The following PIEZO2 variants were observed in gnomAD, a reference collection of about 807,000 sequenced individuals.
PIEZO2 encodes piezo-type mechanosensitive ion channel component 2.
In PIEZO2, 172 loss-of-function variants were observed where a neutral mutation model predicts 337.3. That is an observed-to-expected ratio of 0.51 (90% confidence interval 0.45 to 0.58). PIEZO2 has a LOEUF of 0.58. PIEZO2 is among the 20% of genes least tolerant of loss of function. The probability of loss-of-function intolerance (pLI) is 0.00; values close to 1 mark genes in which losing one functional copy is unlikely to be tolerated. For missense variants in PIEZO2, 3,028 were observed against 3,391.3 expected (o/e 0.89, Z 2.66); for synonymous variants, 1,251 against 1,228.5 (o/e 1.02, Z -0.38).
chr18:11,142,278 T>A (rs2040674485), intron 1 of PIEZO2, among the ~76,000 whole-genome samples: 1 of 152,156 alleles, frequency 6.6e-6, no homozygotes, highest in East Asian at 1.9e-4. Flanking sequence ...TTAAAAATAA[T>A]TTAGCTAAAT....
intron 33 of PIEZO2, chr18:10,738,418 T>C (rs2037092785): frequency 6.6e-6 from 1 of 152,216 alleles, no homozygotes; most frequent in Non-Finnish European, 1.5e-5. Context: ...AGTGGTAACA[T>C]TGATTTTACC....
At position 11,077,364 on chromosome 18, in the gene PIEZO2, T is replaced by C. The variant is rs1325578074; in HGVS notation, c.65-11142A>G. Among the ~76,000 whole-genome samples, 3 of 152,228 alleles carry C rather than the reference T, an allele frequency of 2.0e-5. No individual in the cohort carries two copies. The highest frequency in any genetic ancestry group is 4.4e-5 in the Non-Finnish European group (3 of 68,040). ...CTTTGGTTTGTGTCATGGTATTTGC[T>C]GATTTAGAAATCACTAATCAGGCCA... is the stretch of plus-strand genomic sequence containing the variant. On this transcript the variant is annotated intron_variant, in intron 1 of 55. Transcript: ENST00000674853. The surrounding 1 kb of genome is among the most constrained non-coding windows in gnomAD (Gnocchi z 4.8).
At chr18:10,998,077 C>T (rs916808588) in intron 2 of PIEZO2, among the ~76,000 whole-genome samples, 1 of 151,988 alleles carries the variant, frequency 6.6e-6, no homozygotes, top group Non-Finnish European at 1.5e-5. Flanking sequence ...TCATCACAAA[C>T]TATGAAGACT....
In PIEZO2 at chr18:10,870,487, A is replaced by G. The variant is rs2042113345; in HGVS notation, c.492+766T>C. 6.6e-6 allele frequency among the ~76,000 whole-genome samples: 1 copy of G among 152,202 alleles called. No homozygotes were observed. Among genetic ancestry groups the G allele is most frequent in the South Asian group, 2.1e-4 (1 of 4,832 alleles). On this transcript the variant is annotated intron_variant, in intron 5 of 55. Coordinates refer to ENST00000674853, the MANE Select transcript of PIEZO2 (RefSeq NM_001378183.1). The surrounding 1 kb of genome is among the most constrained non-coding windows in gnomAD (Gnocchi z 5.3). Reference sequence around the variant, plus strand: ...TTTCCTTTATAAATGTTATCTTTCCACTAATAAATCAATTACTCTTTAAAC... The same window carrying G: ...TTTCCTTTATAAATGTTATCTTTCCGCTAATAAATCAATTACTCTTTAAAC...
Position 10,953,828 on chromosome 18 carries a change from G to A in PIEZO2, c.286+25707C>T, listed in dbSNP as rs1415866625. ...CACTTGGGAACAGATGAACAAGCAG[G>A]GGCAGCAAGAGAGAGGCAGGCTTTG... On this transcript the variant is annotated intron_variant, in intron 3 of 55. Transcript: ENST00000674853. The surrounding 1 kb of genome is among the most constrained non-coding windows in gnomAD (Gnocchi z 5.2). 6.6e-6 allele frequency among the ~76,000 whole-genome samples: 1 copy of A among 152,060 alleles called. No homozygotes were observed. The highest frequency in any genetic ancestry group is 1.9e-4 in the East Asian group (1 of 5,184).
At chr18:10,711,348 C>T (rs540384637) in intron 39 of PIEZO2, among the ~76,000 whole-genome samples, 4 of 152,186 alleles carry the variant, frequency 2.6e-5, no homozygotes, top group African/African-American at 7.2e-5. Context: ...TCTGAGGCCA[C>T]TGATTCAGAG....
At position 11,034,000 on chromosome 18, in the gene PIEZO2, A is replaced by G. The variant is rs1226079268; in HGVS notation, c.160+32127T>C. ...AGGGGAAAAAAACCCTCAGATTTAA[A>G]AAAAAATTCGACAGTCTTTAAAAGT... On this transcript the variant is annotated intron_variant, in intron 2 of 55. Coordinates refer to ENST00000674853, the MANE Select transcript of PIEZO2 (RefSeq NM_001378183.1). The surrounding 1 kb of genome is among the most constrained non-coding windows in gnomAD (Gnocchi z 4.2). Among the ~76,000 whole-genome samples, 2 of 152,178 alleles carry G rather than the reference A, an allele frequency of 1.3e-5. No individual in the cohort carries two copies.
At chr18:10,757,447 TGGGG>T (rs2037919940) in intron 27 of PIEZO2, among the ~76,000 whole-genome samples, 1 of 25,470 alleles carries the variant, frequency 3.9e-5, no homozygotes, top group African/African-American at 4.2e-4. Flanking sequence ...GGAGGAAGGG[TGGGG>T]ATAAGAATGA....
chr18:10,692,607 A>C (rs1431423708), intron 47 of PIEZO2, among the ~76,000 whole-genome samples: 1 of 151,300 alleles, frequency 6.6e-6, no homozygotes, highest in Non-Finnish European at 1.5e-5. Context: ...CACCATTTGC[A>C]TTTGTTGAAA....
At chr18:10,725,325 G>A in intron 36 of PIEZO2, 2 of 1,599,612 alleles carry the variant, frequency 1.3e-6, no homozygotes, top group Non-Finnish European at 1.7e-6. Flanking sequence ...CTGCGTCGAA[G>A]AGGTTGTGGT....
chr18:11,121,386 C>A (rs1453702112), intron 1 of PIEZO2, among the ~76,000 whole-genome samples: 3 of 152,006 alleles, frequency 2.0e-5, no homozygotes, highest in African/African-American at 7.3e-5. Context: ...AGAACCCTGT[C>A]TCTACAAAAA....
chr18:10,812,466 T>C (rs1412676666), intron 7 of PIEZO2, among the ~76,000 whole-genome samples: 1 of 152,256 alleles, frequency 6.6e-6, no homozygotes, highest in Admixed American at 6.5e-5. Flanking sequence ...TCTGTATACC[T>C]GCAACACGCT....
intron 36 of PIEZO2, among the ~76,000 whole-genome samples, chr18:10,730,828 GC>G (rs560195783): frequency 2.8e-4 from 42 of 152,212 alleles, no homozygotes; most frequent in African/African-American, 9.9e-4. Flanking sequence ...CCGGGTTCAC[GC>G]CGTTCTCCTG....
intron 1 of PIEZO2, among the ~76,000 whole-genome samples, chr18:11,108,852 C>T (rs1343908467): frequency 1.3e-5 from 2 of 152,048 alleles, no homozygotes; most frequent in Non-Finnish European, 2.9e-5. Flanking sequence ...TCACACGGTC[C>T]CTCCAGCACA....
At chr18:10,763,737 A>G (rs775292895) in intron 21 of PIEZO2, among the ~76,000 whole-genome samples, 15 of 152,198 alleles carry the variant, frequency 9.9e-5, no homozygotes, top group Admixed American at 3.3e-4. Context: ...TTTGCTTCCT[A>G]TTGAGATAAA....
intron 2 of PIEZO2, among the ~76,000 whole-genome samples, chr18:10,983,626 C>T (rs541196250): frequency 1.3e-4 from 20 of 152,220 alleles, no homozygotes; most frequent in African/African-American, 4.6e-4. Flanking sequence ...TACTAATCAG[C>T]TCATAGACTC....
At chr18:10,687,313 C>T (rs923444909) in intron 49 of PIEZO2, among the ~76,000 whole-genome samples, 40 of 152,126 alleles carry the variant, frequency 2.6e-4, no homozygotes, top group African/African-American at 8.9e-4. Context: ...AGGCCCGCCC[C>T]AGTGTGTGTT....
intron 42 of PIEZO2, among the ~76,000 whole-genome samples, chr18:10,704,127 G>T (rs868850172): frequency 6.6e-6 from 1 of 152,196 alleles, no homozygotes; most frequent in Non-Finnish European, 1.5e-5. Flanking sequence ...CATTGATGCT[G>T]TGTCCTTATC....
At position 10,702,136 on chromosome 18, in the gene PIEZO2, C is replaced by T. The variant is rs182115460; in HGVS notation, c.6294G>A (p.Gly2098=). 2.0e-5 allele frequency: 30 copies of T among 1,536,470 alleles called. No homozygotes were observed. The highest frequency in any genetic ancestry group is 2.5e-5 in the Non-Finnish European group (29 of 1,146,764). The stretch of plus-strand genomic sequence containing the variant: ...CCACATTCTTATTCCAGGGAAAGAA[C>T]CCAAATTGGAAGAAATACTTGACTA... ...AIVVKYFFQF[G]FFPWNKNVEV... is the part of the protein sequence containing the mutation. Residue 2098 remains glycine, a synonymous_variant, in exon 43 of 56, where the codon GGG becomes GGA. Coordinates refer to ENST00000674853, the MANE Select transcript of PIEZO2 (RefSeq NM_001378183.1).
Sources: gnomAD v4.1 joint callset for allele counts (sites outside exome capture counted in the v4.1 genomes callset) on GRCh38, gnomAD v4.1.1 for gene constraint, Gnocchi (gnomAD v3.1) non-coding constraint, MANE v1.5 for transcripts, NCBI Gene and HGNC (gene_info 2026-07-23, HGNC 2026-07-21) for gene names.